CD86: variants seen among roughly 807,000 people sequenced by gnomAD.
CD86 encodes the protein CD86 molecule.
In CD86, 11 loss-of-function variants were observed where a neutral mutation model predicts 32.1. That is an observed-to-expected ratio of 0.34 (90% confidence interval 0.22 to 0.57). The LOEUF is 0.57. Among genes scored for constraint, CD86 ranks in the 20% least tolerant of loss-of-function variants. CD86 has a pLI of 0.86. For synonymous variants in CD86, 137 were observed against 135.3 expected (o/e 1.01, Z -0.09); for missense variants, 359 against 398.4 (o/e 0.90, Z 0.84).
At chr3:122,090,114 G>C (rs2072789307) in intron 1 of CD86, among the ~76,000 whole-genome samples, 1 of 152,098 alleles carries the variant, frequency 6.6e-6, no homozygotes, top group Non-Finnish European at 1.5e-5. Flanking sequence ...AGGCAGACTT[G>C]CTTTCCACTA....
intron 2 of CD86, among the ~76,000 whole-genome samples, chr3:122,097,752 A>T (rs2072931266): frequency 6.6e-6 from 1 of 152,154 alleles, no homozygotes; most frequent in East Asian, 1.9e-4. Flanking sequence ...AGTGGAAAAA[A>T]TACTAGGTAC....
rs115987758 is a variant in CD86, at chr3:122,069,678, C to G, written c.14+14175C>G. Among the ~76,000 whole-genome samples, 819 of 152,280 alleles carry G rather than the reference C, an allele frequency of 5.4e-3. 12 individuals are homozygous for G. Among genetic ancestry groups the G allele is most frequent in the African/African-American group, 0.018 (759 of 41,550 alleles). On this transcript the variant is annotated intron_variant, in intron 1 of 6. Transcript: ENST00000330540. ...CTTCCCTGTCCTGTGGTCCAGGTTA[C>G]CCCTGGCCCCTGTGGCCTTCCTCCA...
chr3:122,071,082 A>G (rs1021467035), intron 1 of CD86, among the ~76,000 whole-genome samples: 1 of 152,174 alleles, frequency 6.6e-6, no homozygotes, highest in Non-Finnish European at 1.5e-5. Flanking sequence ...ATCTTGCATT[A>G]GTGTGATGTA....
At chr3:122,115,108 T>C (rs1249599089) in intron 5 of CD86, among the ~76,000 whole-genome samples, 2 of 152,206 alleles carry the variant, frequency 1.3e-5, no homozygotes, top group East Asian at 3.8e-4. Flanking sequence ...ATCATGCTTG[T>C]AGAAAATCCT....
intron 1 of CD86, among the ~76,000 whole-genome samples, chr3:122,059,684 G>A (rs763834564): frequency 5.3e-5 from 8 of 152,158 alleles, no homozygotes; most frequent in African/African-American, 2.4e-5. Flanking sequence ...TACATGTTAA[G>A]CGTTGAATTG....
At chr3:122,100,730 T>G (rs2072986790) in intron 2 of CD86, among the ~76,000 whole-genome samples, 1 of 152,150 alleles carries the variant, frequency 6.6e-6, no homozygotes, top group Non-Finnish European at 1.5e-5. Context: ...CTTCAGCTGA[T>G]TACGAAGGCA....
In CD86 at chr3:122,103,564, A is replaced by G; in HGVS notation, c.117A>G (p.Pro39=). 1.2e-6 allele frequency: 2 copies of G among 1,613,918 alleles called. No individual in the cohort carries two copies. The highest frequency in any genetic ancestry group is 1.7e-6 in the Non-Finnish European group (2 of 1,179,872). ...ATTTCAATGAGACTGCAGACCTGCC[A>G]TGCCAATTTGCAAACTCTCAAAACC... The part of the protein sequence containing the change: ...QAYFNETADL[P]CQFANSQNQS... Residue 39 remains proline, a synonymous_variant, in exon 3 of 7, where the codon CCA becomes CCG. Transcript: ENST00000330540.
intron 1 of CD86, among the ~76,000 whole-genome samples, chr3:122,076,073 C>T (rs548978891): frequency 2.6e-5 from 4 of 152,254 alleles, no homozygotes; most frequent in South Asian, 4.1e-4. Context: ...CTCCAAAGTG[C>T]AGTGTGATAT....
At chr3:122,091,278 C>T (rs1166978204) in intron 1 of CD86, among the ~76,000 whole-genome samples, 1 of 152,090 alleles carries the variant, frequency 6.6e-6, no homozygotes, top group African/African-American at 2.4e-5. Flanking sequence ...CCTCTGGATC[C>T]CCTGCTGCTA....
chr3:122,056,482 C>T (rs2072238750), intron 1 of CD86, among the ~76,000 whole-genome samples: 1 of 152,112 alleles, frequency 6.6e-6, no homozygotes, highest in Non-Finnish European at 1.5e-5. Context: ...CTACAGGCGC[C>T]CACCACCACG....
chr3:122,073,793 C>T (rs188046154), intron 1 of CD86, among the ~76,000 whole-genome samples: 56 of 152,232 alleles, frequency 3.7e-4, no homozygotes, highest in African/African-American at 1.2e-3. Context: ...TGGCCCTTCT[C>T]ACATAGATTA....
At chr3:122,085,797 C>G (rs990342758) in intron 1 of CD86, among the ~76,000 whole-genome samples, 6 of 152,184 alleles carry the variant, frequency 3.9e-5, no homozygotes, top group Admixed American at 3.9e-4. Context: ...AGAGGCAAAC[C>G]AAGGCCCCAG....
rs184016177 is a variant in CD86 at position 122,088,577 on chromosome 3, C to T, written c.15-3024C>T. ...TGAGCCAAAGCTGACACCACACAAG[C>T]GCAGAGTATGGGAACAGAGTTCTCT... On this transcript the variant is annotated intron_variant, in intron 1 of 6. Coordinates refer to ENST00000330540, the MANE Select transcript of CD86 (RefSeq NM_175862.5). Among the ~76,000 whole-genome samples, 10 of 152,240 alleles carry T rather than the reference C, an allele frequency of 6.6e-5. No homozygotes were observed. The South Asian group carries it at 1.0e-3, about 16-fold the overall frequency.
chr3:122,084,211 T>C (rs2072680095), intron 1 of CD86, among the ~76,000 whole-genome samples: 1 of 152,198 alleles, frequency 6.6e-6, no homozygotes, highest in African/African-American at 2.4e-5. Flanking sequence ...GGTCTCAAAC[T>C]CCTGACCTCA....
At chr3:122,065,462 A>C (rs568181759) in intron 1 of CD86, among the ~76,000 whole-genome samples, 2 of 152,344 alleles carry the variant, frequency 1.3e-5, no homozygotes, top group African/African-American at 4.8e-5. Context: ...AATTCACATA[A>C]GTTTAGATTT....
intron 4 of CD86, among the ~76,000 whole-genome samples, chr3:122,107,355 G>GT (rs1249907479): frequency 1.3e-5 from 2 of 152,324 alleles, no homozygotes; most frequent in East Asian, 3.9e-4. Flanking sequence ...TGTATCTGAC[G>GT]TAAGTGCAGG....
chr3:122,074,745 G>A (rs1298529065), intron 1 of CD86, among the ~76,000 whole-genome samples: 2 of 152,170 alleles, frequency 1.3e-5, no homozygotes, highest in African/African-American at 2.4e-5. Flanking sequence ...ACACACACCA[G>A]CTACTGTGTG....
chr3:122,091,986 C>A (rs557461398), intron 2 of CD86: 1 of 231,098 alleles, frequency 4.3e-6, no homozygotes, highest in Admixed American at 5.2e-5. Flanking sequence ...AGACTTGACT[C>A]TTTTGTTCCA....
intron 2 of CD86, among the ~76,000 whole-genome samples, chr3:122,097,960 T>C (rs1328068418): frequency 6.6e-6 from 1 of 152,136 alleles, no homozygotes; most frequent in Non-Finnish European, 1.5e-5. Flanking sequence ...TGAAAAAGCA[T>C]GACTGGCGGG....
Sources: gnomAD v4.1 joint callset for allele counts (sites outside exome capture counted in the v4.1 genomes callset) on GRCh38, gnomAD v4.1.1 for gene constraint, MANE v1.5 for transcripts, NCBI Gene and HGNC (gene_info 2026-07-23, HGNC 2026-07-21) for gene names.